ESR1: variants seen among roughly 807,000 people sequenced by gnomAD.
The protein encoded by ESR1 is estrogen receptor 1.
In ESR1, 12 loss-of-function variants were observed where a neutral mutation model predicts 52.7. The ratio of observed to expected loss-of-function variants is 0.23; its 90% CI spans 0.15 to 0.37. The LOEUF (loss-of-function observed/expected upper bound fraction) is 0.37, where lower values mean the gene tolerates loss of function less well. ESR1 is among the 10% of genes least tolerant of loss of function. ESR1 has a pLI of 1.00. For synonymous variants in ESR1, 305 were observed against 316.8 expected (o/e 0.96, Z 0.39); for missense variants, 584 against 779.7 (o/e 0.75, Z 2.99).
chr6:151,838,742 T>C (rs899097852), intron 1 of ESR1, among the ~76,000 whole-genome samples: 8 of 152,214 alleles, frequency 5.3e-5, no homozygotes, highest in Non-Finnish European at 8.8e-5. Context: ...ATTTCTAAGT[T>C]GGCTAAAAAA....
chr6:151,670,408 C>T (rs1456037430), intron 1 of ESR1, among the ~76,000 whole-genome samples: 1 of 152,222 alleles, frequency 6.6e-6, no homozygotes, highest in African/African-American at 2.4e-5. Flanking sequence ...CTGCCTGCCT[C>T]TCTTCACCAA....
rs541895194 is a variant in ESR1, at chr6:151,669,147, G to GGAGAGAGAGAGA, written n.73+12415_73+12426dup. ...GTGGTAGGAAGCTCTTTGGGAGCTG[G>GGAGAGAGAGAGA]GAGAGAGAGAGAGAGAGAGAGAGAG... On this transcript the variant is annotated intron_variant and non_coding_transcript_variant, in intron 1 of 2. Transcript: ENST00000473497. Among the ~76,000 whole-genome samples the GGAGAGAGAGAGA allele has an allele frequency of 8.2e-3, 567 of 69,258 alleles. 69 individuals carry two copies. Among genetic ancestry groups the GGAGAGAGAGAGA allele is most frequent in the African/African-American group, 0.041 (492 of 11,950 alleles). The allele number at this position is 69,258 out of a possible 152,430, so 45.4% of individuals were successfully genotyped here.
At chr6:151,996,575 C>T (rs1236779572) in intron 4 of ESR1, among the ~76,000 whole-genome samples, 1 of 152,024 alleles carries the variant, frequency 6.6e-6, no homozygotes, top group Non-Finnish European at 1.5e-5. Flanking sequence ...GATTGGGTAC[C>T]AAGACTTGCA....
intron 2 of ESR1, among the ~76,000 whole-genome samples, chr6:151,768,525 G>A (rs1583200129): frequency 6.6e-6 from 1 of 152,096 alleles, no homozygotes; most frequent in South Asian, 2.1e-4. Context: ...ATTTGAATAA[G>A]GTCAATAGAT....
At chr6:152,109,504 A>T (rs886332418) in intron 6 of ESR1, among the ~76,000 whole-genome samples, 96 of 143,214 alleles carry the variant, frequency 6.7e-4, no homozygotes, top group South Asian at 8.8e-4. Flanking sequence ...CGTCTCTACC[A>T]AAAAAAAAAA....
chr6:151,970,714 G>T (rs1210135896), intron 4 of ESR1, among the ~76,000 whole-genome samples: 1 of 152,276 alleles, frequency 6.6e-6, no homozygotes, highest in Admixed American at 6.5e-5. Context: ...CCTCTTCTCG[G>T]TTTAGCACAG....
rs572718630 is a variant in ESR1, at chr6:151,854,399, C to T, written c.643+11612C>T. 3.6e-3 allele frequency among the ~76,000 whole-genome samples: 549 copies of T among 152,094 alleles called. 1 individual carries two copies. Among genetic ancestry groups the T allele is most frequent in the Non-Finnish European group, 5.6e-3 (381 of 67,992 alleles). On this transcript the variant is annotated intron_variant, in intron 2 of 7. Transcript: ENST00000206249. ...AAAAGAACATAGTGGGGAAAGCACT[C>T]CTATTATTTTCCTCATATTTCCATT...
intron 6 of ESR1, among the ~76,000 whole-genome samples, chr6:152,079,337 C>T (rs2049004608): frequency 6.6e-6 from 1 of 152,170 alleles, no homozygotes; most frequent in South Asian, 2.1e-4. Flanking sequence ...TGGTGATACC[C>T]AGGCAAACAG....
intron 5 of ESR1, among the ~76,000 whole-genome samples, chr6:152,035,161 A>G (rs1309815989): frequency 6.6e-6 from 1 of 152,158 alleles, no homozygotes; most frequent in Non-Finnish European, 1.5e-5. Context: ...ATTCTTAGAT[A>G]AGAACTTCCT....
intron 2 of ESR1, among the ~76,000 whole-genome samples, chr6:151,877,295 C>T (rs1160157018): frequency 6.6e-6 from 1 of 152,004 alleles, no homozygotes; most frequent in African/African-American, 2.4e-5. Flanking sequence ...ACATATTGAC[C>T]AAGTTACACT....
intron 1 of ESR1, among the ~76,000 whole-genome samples, chr6:151,677,243 C>A (rs550847461): frequency 3.3e-5 from 5 of 152,160 alleles, no homozygotes; most frequent in Non-Finnish European, 7.3e-5. Flanking sequence ...ACACCAGTAA[C>A]GATAGGTTTC....
intron 2 of ESR1, among the ~76,000 whole-genome samples, chr6:151,740,184 C>A (rs1261986956): frequency 1.3e-5 from 2 of 151,916 alleles, no homozygotes; most frequent in East Asian, 1.9e-4. Flanking sequence ...AGTGGTGCGA[C>A]CTCTGCTCAC....
chr6:151,893,556 C>CT (rs1289647718), intron 3 of ESR1, among the ~76,000 whole-genome samples: 1 of 151,560 alleles, frequency 6.6e-6, no homozygotes, highest in Non-Finnish European at 1.5e-5. Context: ...ATCATTATTA[C>CT]TTTTTTAAGT....
At chr6:151,864,864 C>T (rs1446016266) in intron 2 of ESR1, among the ~76,000 whole-genome samples, 4 of 145,682 alleles carry the variant, frequency 2.7e-5, no homozygotes, top group African/African-American at 1.0e-4. Flanking sequence ...TGCATGTTCT[C>T]ACTCATAGGT....
chr6:151,984,347 A>AT (rs995659757), intron 4 of ESR1, among the ~76,000 whole-genome samples: 3 of 152,128 alleles, frequency 2.0e-5, no homozygotes, highest in South Asian at 2.1e-4. Flanking sequence ...GACTTTCATA[A>AT]AATGGTAAGA....
intron 2 of ESR1, among the ~76,000 whole-genome samples, chr6:151,878,488 A>G (rs1792238076): frequency 6.6e-6 from 1 of 152,198 alleles, no homozygotes; most frequent in African/African-American, 2.4e-5. Flanking sequence ...AAAGATGGAA[A>G]GCCAAGTTTT....
chr6:152,020,462 G>A (rs1255147192), intron 5 of ESR1, among the ~76,000 whole-genome samples: 2 of 151,910 alleles, frequency 1.3e-5, no homozygotes, highest in Admixed American at 1.3e-4. Flanking sequence ...TTGTTTGTTT[G>A]TTTTTTGAGA....
At chr6:152,105,669 G>A (rs940878663), downstream of ESR1, among the ~76,000 whole-genome samples, 16 of 151,226 alleles carry the variant, frequency 1.1e-4, no homozygotes, top group Non-Finnish European at 2.1e-4. Flanking sequence ...CAAGTGATCC[G>A]CCTGCCTCAG....
At chr6:151,843,910 C>CTTTTT (rs397885637) in intron 2 of ESR1, among the ~76,000 whole-genome samples, 1 of 137,640 alleles carries the variant, frequency 7.3e-6, no homozygotes, top group Non-Finnish European at 1.6e-5. Context: ...GCCAGTGGGA[C>CTTTTT]TTTTTTTTTT....
Sources: gnomAD v4.1 joint callset for allele counts (sites outside exome capture counted in the v4.1 genomes callset) on GRCh38, gnomAD v4.1.1 for gene constraint, MANE v1.5 for transcripts, NCBI Gene and HGNC (gene_info 2026-07-23, HGNC 2026-07-21) for gene names.